Variants in RANBP2 observed in about 807,000 individuals in gnomAD.
RANBP2 encodes E3 SUMO-protein ligase RanBP2.
In RANBP2, 57 loss-of-function variants were observed where a neutral mutation model predicts 303.6. The ratio of observed to expected loss-of-function variants is 0.19; its 90% confidence interval spans 0.15 to 0.23. The LOEUF (loss-of-function observed/expected upper bound fraction) is 0.23. Ranked by LOEUF, RANBP2 falls within the 10% of genes least tolerant of loss-of-function variation. The pLI is 1.00. For missense variants in RANBP2, 3,138 were observed against 3,780.8 expected (o/e 0.83, Z 4.46); for synonymous variants, 1,167 against 1,301.5 (o/e 0.90, Z 2.23).
the RANBP2 span, among the ~76,000 whole-genome samples, chr2:109,206,752 G>A: frequency 6.6e-6 from 1 of 151,346 alleles, no homozygotes; most frequent in Admixed American, 6.6e-5. Flanking sequence ...GGAGTTCAAG[G>A]TTACAGTGAG....
the RANBP2 span, among the ~76,000 whole-genome samples, chr2:108,952,911 G>C: frequency 2.0e-5 from 3 of 152,054 alleles, no homozygotes; most frequent in Admixed American, 2.0e-4. Context: ...TATTAGGGTT[G>C]GTCTATTTAT....
At chr2:109,044,451 A>T in the RANBP2 span, among the ~76,000 whole-genome samples, 3 of 152,078 alleles carry the variant, frequency 2.0e-5, no homozygotes, top group Non-Finnish European at 4.4e-5. Context: ...TGAACCTGGG[A>T]GGCAGAGCTT....
At chr2:109,241,017 A>T in the RANBP2 span, among the ~76,000 whole-genome samples, 7 of 152,186 alleles carry the variant, frequency 4.6e-5, no homozygotes, top group African/African-American at 1.4e-4. Context: ...TTTGGCCAAA[A>T]AGAACTCTAT....
chr2:108,808,527 C>G, the RANBP2 span, among the ~76,000 whole-genome samples: 2 of 152,096 alleles, frequency 1.3e-5, no homozygotes, highest in Admixed American at 6.6e-5. Context: ...ACGTTTATTA[C>G]TTTTTGTCTT....
the RANBP2 span, among the ~76,000 whole-genome samples, chr2:109,469,320 G>A: frequency 6.6e-6 from 1 of 152,202 alleles, no homozygotes; most frequent in Non-Finnish European, 1.5e-5. Flanking sequence ...TGTATCCTGG[G>A]GTGTGTGGCA....
the RANBP2 span, among the ~76,000 whole-genome samples, chr2:109,442,405 T>A: frequency 1.3e-5 from 2 of 151,526 alleles, no homozygotes; most frequent in Admixed American, 1.3e-4. Context: ...AAAATGAAGA[T>A]CTATACAAAG....
chr2:108,848,329 T>C, the RANBP2 span, among the ~76,000 whole-genome samples: 1 of 152,206 alleles, frequency 6.6e-6, no homozygotes, highest in African/African-American at 2.4e-5. Flanking sequence ...TGCAGCAGTT[T>C]TGGACATCTG....
At chr2:109,542,305 G>A in the RANBP2 span, among the ~76,000 whole-genome samples, 5 of 152,154 alleles carry the variant, frequency 3.3e-5, no homozygotes, top group East Asian at 1.9e-4. Flanking sequence ...TTCACATTGC[G>A]GCTGAAGCAG....
chr2:108,880,057 A>G, the RANBP2 span, among the ~76,000 whole-genome samples: 5 of 152,202 alleles, frequency 3.3e-5, no homozygotes, highest in Admixed American at 6.5e-5. Context: ...AGACATGATA[A>G]GAAACAAATC....
chr2:109,207,893 G>A, the RANBP2 span, among the ~76,000 whole-genome samples: 1 of 152,222 alleles, frequency 6.6e-6, no homozygotes, highest in African/African-American at 2.4e-5. Flanking sequence ...CAGTTTCCCT[G>A]TATCATCATT....
chr2:108,754,035 G>C (rs1176066571), intron 15 of RANBP2, 64 bp downstream of exon 15: 1 of 1,610,334 alleles, frequency 6.2e-7, no homozygotes, highest in Non-Finnish European at 8.5e-7. Flanking sequence ...TTTTTGCGTT[G>C]GTCTTATATT....
At chr2:109,479,658 T>C in the RANBP2 span, among the ~76,000 whole-genome samples, 1 of 152,138 alleles carries the variant, frequency 6.6e-6, no homozygotes, top group African/African-American at 2.4e-5. Flanking sequence ...GACAGAGCCC[T>C]GCACTTTTGT....
the RANBP2 span, among the ~76,000 whole-genome samples, chr2:109,724,766 G>A: frequency 6.6e-6 from 1 of 152,284 alleles, no homozygotes; most frequent in African/African-American, 2.4e-5. Flanking sequence ...CTGCCTCCAG[G>A]GAAGTCAGGA....
chr2:109,320,176 G>T, the RANBP2 span, among the ~76,000 whole-genome samples: 1 of 152,144 alleles, frequency 6.6e-6, no homozygotes, highest in Admixed American at 6.5e-5. Context: ...TCTCATGGCC[G>T]TCACAGCCCT....
At chr2:109,552,862 G>A in the RANBP2 span, 1 of 459,152 alleles carries the variant, frequency 2.2e-6, no homozygotes. Flanking sequence ...TCAACGATTA[G>A]TGACTCCATA....
the RANBP2 span, among the ~76,000 whole-genome samples, chr2:109,265,772 T>G: frequency 2.0e-5 from 3 of 152,198 alleles, no homozygotes; most frequent in East Asian, 1.9e-4. Flanking sequence ...AAAAAGAGAT[T>G]GGCACATAAA....
At chr2:108,797,598 A>T in the RANBP2 span, among the ~76,000 whole-genome samples, 2 of 152,112 alleles carry the variant, frequency 1.3e-5, no homozygotes, top group Non-Finnish European at 2.9e-5. Context: ...AAAATAATAG[A>T]GGGATAATCA....
At chr2:109,667,480 C>T in the RANBP2 span, among the ~76,000 whole-genome samples, 5,724 of 152,212 alleles carry the variant, frequency 0.038, 341 homozygotes, top group African/African-American at 0.13. Flanking sequence ...CCGTGTTCTG[C>T]CCTGTGCATT....
At chr2:109,010,940 C>T in the RANBP2 span, among the ~76,000 whole-genome samples, 1 of 152,314 alleles carries the variant, frequency 6.6e-6, no homozygotes, top group South Asian at 2.1e-4. Flanking sequence ...TGCAACCACT[C>T]CTGGTTCCCT....
Sources: allele counts gnomAD v4.1 joint callset (sites outside exome capture counted in the v4.1 genomes callset), GRCh38; gene constraint gnomAD v4.1.1; transcripts MANE v1.5; gene names NCBI Gene and HGNC (gene_info 2026-07-23, HGNC 2026-07-21).